DPP6: variants seen among roughly 807,000 people sequenced by gnomAD.
DPP6 encodes A-type potassium channel modulatory protein DPP6.
A neutral mutation model predicts 122.6 loss-of-function variants in DPP6; 69 were observed. That is an observed-to-expected ratio of 0.56 (90% CI 0.46 to 0.69). The LOEUF is 0.69. DPP6 is among the 30% of genes least tolerant of loss of function. DPP6 has a pLI of 0.00. For missense variants in DPP6, 928 were observed against 1,116.9 expected (o/e 0.83, Z 2.41); for synonymous variants, 418 against 433.1 (o/e 0.97, Z 0.43).
At chr7:154,554,914 G>C (rs1829905547) in intron 4 of DPP6, among the ~76,000 whole-genome samples, 1 of 152,106 alleles carries the variant, frequency 6.6e-6, no homozygotes, top group African/African-American at 2.4e-5. Context: ...TTATGATTAA[G>C]TCACTAGGTG....
intron 1 of DPP6, among the ~76,000 whole-genome samples, chr7:154,353,685 T>G (rs34115948): frequency 0.11 from 17,431 of 152,074 alleles, 1,514 homozygotes; most frequent in African/African-American, 0.24. Flanking sequence ...GATTTCCTGC[T>G]GCAAATCAAC....
intron 7 of DPP6, among the ~76,000 whole-genome samples, chr7:154,678,922 G>A (rs1411099564): frequency 6.6e-6 from 1 of 152,218 alleles, no homozygotes; most frequent in African/African-American, 2.4e-5. Context: ...AGTACAGGCT[G>A]TGGAGCCTTG....
chr7:154,857,492 A>G (rs1299000050), intron 17 of DPP6, among the ~76,000 whole-genome samples: 1 of 152,174 alleles, frequency 6.6e-6, no homozygotes, highest in Non-Finnish European at 1.5e-5. Context: ...GGTGTTTGCC[A>G]TGGGAGGCGT....
chr7:154,358,512 A>G (rs1811458958), intron 1 of DPP6, among the ~76,000 whole-genome samples: 1 of 152,176 alleles, frequency 6.6e-6, no homozygotes, highest in Non-Finnish European at 1.5e-5. Context: ...TACAGGTGGA[A>G]GTAAGAGCAG....
chr7:154,088,996 C>G (rs531425889), intron 1 of DPP6, among the ~76,000 whole-genome samples: 1 of 152,200 alleles, frequency 6.6e-6, no homozygotes, highest in Non-Finnish European at 1.5e-5. Flanking sequence ...GGATGTGGCT[C>G]AGAGCACGTC....
At chr7:154,455,062 C>T (rs960988308) in intron 2 of DPP6, among the ~76,000 whole-genome samples, 1 of 152,148 alleles carries the variant, frequency 6.6e-6, no homozygotes, top group Non-Finnish European at 1.5e-5. Context: ...TCCAGGTGGG[C>T]TCCATCTCTC....
At chr7:154,816,741 A>G (rs1024332257) in intron 16 of DPP6, among the ~76,000 whole-genome samples, 9 of 152,248 alleles carry the variant, frequency 5.9e-5, no homozygotes, top group South Asian at 2.1e-4. Flanking sequence ...CATGAAGTCA[A>G]TGAAGCAGCA....
intron 1 of DPP6, among the ~76,000 whole-genome samples, chr7:154,344,793 C>G (rs1586006122): frequency 6.6e-6 from 1 of 152,106 alleles, no homozygotes; most frequent in African/African-American, 2.4e-5. Flanking sequence ...GAGGCTGAGG[C>G]AGGAGAATTG....
At chr7:154,622,033 C>A (rs6597447) in intron 5 of DPP6, among the ~76,000 whole-genome samples, 97,985 of 151,678 alleles carry the variant, frequency 0.65, 31,973 homozygotes, top group East Asian at 0.76. Context: ...TTTTACCCTC[C>A]TTTATCAGGT....
chr7:153,750,125 T>C, the DPP6 span, among the ~76,000 whole-genome samples: 4 of 152,230 alleles, frequency 2.6e-5, no homozygotes, highest in Non-Finnish European at 5.9e-5. Flanking sequence ...TTGGATTCAC[T>C]TGGCAGATAA....
chr7:154,121,202 C>T lies in DPP6; in HGVS notation c.243+68139C>T, dbSNP rs145165524. Among the ~76,000 whole-genome samples the T allele has an allele frequency of 6.1e-3, 922 of 152,336 alleles. 14 individuals are homozygous for T. The highest frequency in any genetic ancestry group is 0.021 in the African/African-American group (883 of 41,576). On this transcript the variant is annotated intron_variant, in intron 1 of 25. Coordinates refer to ENST00000377770, the MANE Select transcript of DPP6 (RefSeq NM_130797.4). ...AATTAACCAGTCTCAGGTATTTCTTCATAGCAGCATGAGAACGGACTAATC... is the reference window on the plus strand; with the variant it reads ...AATTAACCAGTCTCAGGTATTTCTTTATAGCAGCATGAGAACGGACTAATC...
intron 1 of DPP6, among the ~76,000 whole-genome samples, chr7:154,345,429 C>A (rs1006460000): frequency 3.3e-5 from 5 of 152,120 alleles, no homozygotes; most frequent in African/African-American, 1.2e-4. Flanking sequence ...TTCTGAGGGG[C>A]TGGTCAATAG....
At chr7:154,616,552 G>A (rs1383660768) in intron 5 of DPP6, among the ~76,000 whole-genome samples, 1 of 152,168 alleles carries the variant, frequency 6.6e-6, no homozygotes, top group Non-Finnish European at 1.5e-5. Context: ...GGAGACCATA[G>A]GCATAGAGAA....
chr7:154,623,016 G>A (rs1241274611), intron 5 of DPP6, among the ~76,000 whole-genome samples: 8 of 152,202 alleles, frequency 5.3e-5, no homozygotes, highest in African/African-American at 1.9e-4. Context: ...TGTTGGGGGT[G>A]ATGGAGAGAA....
At chr7:154,802,435 A>G (rs900764566) in intron 13 of DPP6, among the ~76,000 whole-genome samples, 2 of 151,830 alleles carry the variant, frequency 1.3e-5, no homozygotes, top group African/African-American at 4.8e-5. Context: ...TTCAGGTGCA[A>G]TTTTTTCTCA....
intron 8 of DPP6, among the ~76,000 whole-genome samples, chr7:154,748,874 GGCTTGCTGC>G (rs1843167606): frequency 6.6e-6 from 1 of 152,208 alleles, no homozygotes; most frequent in Non-Finnish European, 1.5e-5. Context: ...CAGTACCGCA[GGCTTGCTGC>G]ATTTGGGTAT....
At chr7:154,387,264 G>C (rs1481437011) in intron 1 of DPP6, among the ~76,000 whole-genome samples, 1 of 152,212 alleles carries the variant, frequency 6.6e-6, no homozygotes, top group South Asian at 2.1e-4. Context: ...GATATGTGCT[G>C]GTCCCAGACT....
At chr7:154,183,554 G>C (rs906475494) in intron 1 of DPP6, among the ~76,000 whole-genome samples, 1 of 152,152 alleles carries the variant, frequency 6.6e-6, no homozygotes, top group African/African-American at 2.4e-5. Context: ...ATGCTGCGCA[G>C]AGAGCCTCAG....
At chr7:154,767,479 C>T (rs1000340725) in intron 8 of DPP6, among the ~76,000 whole-genome samples, 1 of 152,266 alleles carries the variant, frequency 6.6e-6, no homozygotes, top group Non-Finnish European at 1.5e-5. Context: ...ATCCCAAACT[C>T]GCACCTGAAC....
Sources: allele counts gnomAD v4.1 joint callset (sites outside exome capture counted in the v4.1 genomes callset), GRCh38; gene constraint gnomAD v4.1.1; transcripts MANE v1.5; gene names NCBI Gene and HGNC (gene_info 2026-07-23, HGNC 2026-07-21).